The following TTC7A variants were observed in gnomAD, a reference collection of about 807,000 sequenced individuals.
TTC7A encodes tetratricopeptide repeat domain 7A.
In TTC7A, 110 loss-of-function variants were observed where a neutral mutation model predicts 103.7. The ratio of observed to expected loss-of-function variants is 1.06; its 90% CI spans 0.91 to 1.24. TTC7A has a LOEUF of 1.24. TTC7A is among the 50% of genes most tolerant of loss of function. The pLI is 0.00. For synonymous variants in TTC7A, 521 were observed against 467.9 expected (o/e 1.11, Z -1.47); for missense variants, 1,340 against 1,116.3 (o/e 1.20, Z -2.86).
chr2:47,033,128 G>T (rs539758902), intron 15 of TTC7A, among the ~76,000 whole-genome samples: 1 of 152,184 alleles, frequency 6.6e-6, no homozygotes, highest in East Asian at 1.9e-4. Flanking sequence ...ATTGCTCTTC[G>T]ATTGACACTG....
chr2:46,954,566 C>CT (rs35548270), intron 2 of TTC7A, among the ~76,000 whole-genome samples: 3,521 of 121,238 alleles, frequency 0.029, 207 homozygotes, highest in African/African-American at 0.094. Context: ...AACTAAGAGC[C>CT]TTTTTTTTTT....
chr2:46,991,366 G>A (rs992306784), intron 5 of TTC7A, among the ~76,000 whole-genome samples: 24 of 151,976 alleles, frequency 1.6e-4, no homozygotes, highest in African/African-American at 5.6e-4. Context: ...CGTGGTGGTG[G>A]CTCATGCCTG....
intron 15 of TTC7A, among the ~76,000 whole-genome samples, chr2:47,043,514 A>G (rs1029300232): frequency 6.6e-6 from 1 of 152,108 alleles, no homozygotes; most frequent in Admixed American, 6.5e-5. Flanking sequence ...ACCAGCGCCC[A>G]AGGTCATGGG....
Position 46,994,388 on chromosome 2 carries a change from T to C in TTC7A, c.875T>C (p.Leu292Pro). ...MAAKHLAGVL[L>P]HSLSEECYWS... is the part of the protein sequence containing the mutation. ...GCCAAGCACCTGGCGGGGGTCCTGC[T>C]GCACTCCCTGAGTGAGGAGTGCTAC... Residue 292 changes from leucine to proline, a missense_variant, in exon 7 of 20, where the codon CTG becomes CCG. Leu to Pro is a moderately conservative substitution (Grantham distance 98). Transcript: ENST00000319190. 2.5e-6 allele frequency: 4 copies of C among 1,613,864 alleles called. No homozygotes were observed. The highest frequency in any genetic ancestry group is 3.4e-6 in the Non-Finnish European group (4 of 1,179,860).
At chr2:46,938,838 C>A (rs921553402), upstream of TTC7A, among the ~76,000 whole-genome samples, 2 of 151,648 alleles carry the variant, frequency 1.3e-5, no homozygotes, top group Non-Finnish European at 2.9e-5. Flanking sequence ...ATAGTGAAAC[C>A]CGTCTCTACT....
At chr2:47,044,797 C>T (rs1173427755) in intron 15 of TTC7A, among the ~76,000 whole-genome samples, 1 of 152,232 alleles carries the variant, frequency 6.6e-6, no homozygotes, top group Non-Finnish European at 1.5e-5. Flanking sequence ...CCACCCTCTT[C>T]ATTCTCTACC....
Position 47,046,426 on chromosome 2 carries a change from G to A in TTC7A, c.1914G>A (p.Gln638=), listed in dbSNP as rs367967346. 1.2e-6 allele frequency: 2 copies of A among 1,613,818 alleles called. No homozygotes were observed. Among genetic ancestry groups the A allele is most frequent in the Non-Finnish European group, 1.7e-6 (2 of 1,179,712 alleles). ...RLWQTLYSFS[Q]LGGLEKDGSF... ...GGCAGACCCTGTACAGCTTCTCCCA[G>A]CTGGGGTGAGTGGCCGTCATTGTCT... The change falls in exon 16 of 20, where the codon CAG becomes CAA. Residue 638 remains glutamine, a synonymous_variant. Coordinates refer to ENST00000319190, the MANE Select transcript of TTC7A (RefSeq NM_020458.4).
chr2:47,014,927 C>T lies in TTC7A; in HGVS notation c.1392+3492C>T, dbSNP rs146440513. Among the ~76,000 whole-genome samples, 644 of 152,362 alleles carry T rather than the reference C, an allele frequency of 4.2e-3. 7 individuals carry two copies. The highest frequency in any genetic ancestry group is 0.015 in the African/African-American group (605 of 41,586). Reference sequence around the variant, plus strand: ...AGAGCCACTGTTGGACACCCCATACCGGGTCTGGGTCTGAGAGCAAGGTTG... The same window carrying T: ...AGAGCCACTGTTGGACACCCCATACTGGGTCTGGGTCTGAGAGCAAGGTTG... On this transcript the variant is annotated intron_variant, in intron 11 of 19. Transcript: ENST00000319190.
chr2:47,019,114 A>T (rs1263669268), intron 11 of TTC7A, among the ~76,000 whole-genome samples: 1 of 152,234 alleles, frequency 6.6e-6, no homozygotes, highest in African/African-American at 2.4e-5. Flanking sequence ...ACCCATGTAT[A>T]TTAATACTGT....
intron 3 of TTC7A, among the ~76,000 whole-genome samples, chr2:46,968,332 C>G (rs937982600): frequency 2.6e-5 from 4 of 152,234 alleles, no homozygotes; most frequent in African/African-American, 7.2e-5. Context: ...GGCTGTGTTA[C>G]AACCCTCCGA....
chr2:47,047,340 A>T, intron 16 of TTC7A: 1 of 1,543,052 alleles, frequency 6.5e-7, no homozygotes. Context: ...AGAGGAGGGT[A>T]ATCAGACAGA....
upstream of TTC7A, among the ~76,000 whole-genome samples, chr2:46,936,405 C>T (rs908205534): frequency 6.6e-6 from 1 of 152,086 alleles, no homozygotes; most frequent in African/African-American, 2.4e-5. Flanking sequence ...TTTTCTCAGA[C>T]GTGTCTTATT....
chr2:47,058,475 C>T lies in TTC7A; in HGVS notation c.2153-2294C>T, dbSNP rs147955564. Among the ~76,000 whole-genome samples, 547 of 152,342 alleles carry T rather than the reference C, an allele frequency of 3.6e-3. 1 individual carries two copies. Among genetic ancestry groups the T allele is most frequent in the Non-Finnish European group, 5.8e-3 (397 of 68,030 alleles). On this transcript the variant is annotated intron_variant, in intron 18 of 19. Transcript: ENST00000319190. ...GGGACAGGAAGAGGGAATGTCTGGG[C>T]CTGGTTTCTCCACCTCTTTCTGGGA...
At chr2:46,925,437 A>G (rs1258374352) in intron 2 of TTC7A, among the ~76,000 whole-genome samples, 2 of 152,156 alleles carry the variant, frequency 1.3e-5, no homozygotes, top group Non-Finnish European at 2.9e-5. Context: ...GGGCGCTTGT[A>G]ATCCCAGCTA....
intron 2 of TTC7A, among the ~76,000 whole-genome samples, chr2:46,922,040 AT>A (rs1307441522): frequency 1.3e-5 from 2 of 152,094 alleles, no homozygotes; most frequent in African/African-American, 2.4e-5. Context: ...AAGTTTTTGG[AT>A]TTTTTTGGTT....
chr2:47,073,938 C>CAGGG lies in TTC7A; in HGVS notation c.*24_*27dup, dbSNP rs1558657740. ...GAGAGCTCTGACGACGCTGCAGCCG[C>CAGGG]AGGGAGGGAGGGGCTGGCCAGAGGG... On this transcript the variant is annotated 3_prime_UTR_variant, in exon 20 of 20. Coordinates refer to ENST00000319190, the MANE Select transcript of TTC7A (RefSeq NM_020458.4). 3 of 1,601,706 alleles carry CAGGG rather than the reference C, an allele frequency of 1.9e-6. No homozygotes were observed. The highest frequency in any genetic ancestry group is 2.2e-5 in the East Asian group (1 of 44,512).
chr2:46,920,033 A>G (rs1226471005), intron 2 of TTC7A, among the ~76,000 whole-genome samples: 2 of 152,198 alleles, frequency 1.3e-5, no homozygotes, highest in Non-Finnish European at 2.9e-5. Context: ...CAGATATACT[A>G]TAAACTGGGG....
At chr2:46,943,527 C>T (rs1390675773) in intron 1 of TTC7A, among the ~76,000 whole-genome samples, 1 of 152,164 alleles carries the variant, frequency 6.6e-6, no homozygotes, top group African/African-American at 2.4e-5. Flanking sequence ...AGCATGCACT[C>T]ACACTGGGAC....
rs749546800 is a variant in TTC7A, at chr2:46,956,887, G to C, written c.397G>C (p.Val133Leu). The C allele has an allele frequency of 1.1e-5, 18 of 1,614,198 alleles. No homozygotes were observed. In the Admixed American group the frequency reaches 3.0e-4, roughly 27 times the overall value. The change falls in exon 3 of 20, where the codon GTG (valine) becomes CTG (leucine). Residue 133 changes from valine (V) to leucine (L), a missense_variant. By Grantham distance (32) the Val-to-Leu change is conservative (BLOSUM62 1). Coordinates refer to ENST00000319190, the MANE Select transcript of TTC7A (RefSeq NM_020458.4). ...AMLILGKLHY[V>L]EGSYRDAISM... is the part of the protein sequence containing the mutation. Reference sequence around the variant, plus strand: ...GCTGATCCTGGGCAAACTGCATTACGTGGAGGGCTCATACCGAGATGCCAT... The same window carrying C: ...GCTGATCCTGGGCAAACTGCATTACCTGGAGGGCTCATACCGAGATGCCAT...
Sources: gnomAD v4.1 joint callset for allele counts (sites outside exome capture counted in the v4.1 genomes callset) on GRCh38, gnomAD v4.1.1 for gene constraint, MANE v1.5 for transcripts, NCBI Gene and HGNC (gene_info 2026-07-23, HGNC 2026-07-21) for gene names.